MTR: variants seen among roughly 807,000 people sequenced by gnomAD.
MTR encodes the protein 5-methyltetrahydrofolate-homocysteine methyltransferase.
MTR carries 84 observed loss-of-function variants against 154.8 expected under a neutral mutation model. The ratio of observed to expected loss-of-function variants is 0.54; its 90% CI spans 0.45 to 0.65. MTR has a LOEUF of 0.65. Ranked by LOEUF, MTR falls within the 30% of genes least tolerant of loss-of-function variation. The probability of loss-of-function intolerance (pLI) is 0.00; values close to 1 mark genes in which losing one functional copy is unlikely to be tolerated. For synonymous variants in MTR, 554 were observed against 553.9 expected (o/e 1.00, Z 0.00); for missense variants, 1,275 against 1,570.2 (o/e 0.81, Z 3.18).
intron 20 of MTR, 43 bp from the exon 21 acceptor site, chr1:236,862,193 C>T (rs756734683): frequency 2.5e-5 from 38 of 1,535,104 alleles, no homozygotes; most frequent in South Asian, 7.8e-5. Context: ...GCAGTTGTTC[C>T]TGTGGTTTGG....
At chr1:236,818,359 G>T (rs533975959) in intron 8 of MTR, among the ~76,000 whole-genome samples, 1 of 152,272 alleles carries the variant, frequency 6.6e-6, no homozygotes, top group East Asian at 1.9e-4. Context: ...GTGTTGTCCT[G>T]GGTGTCACTG....
chr1:236,880,495 C>T (rs1665669937), intron 24 of MTR, among the ~76,000 whole-genome samples: 1 of 152,312 alleles, frequency 6.6e-6, no homozygotes, highest in Non-Finnish European at 1.5e-5. Flanking sequence ...CATGCACGGG[C>T]TCAGTCCCTT....
At chr1:236,879,116 T>G (rs1447747008) in intron 24 of MTR, among the ~76,000 whole-genome samples, 1 of 152,208 alleles carries the variant, frequency 6.6e-6, no homozygotes, top group Non-Finnish European at 1.5e-5. Context: ...CCTATAACAG[T>G]CTCTTGGTTT....
Position 236,866,605 on chromosome 1 carries a change from A to T in MTR, c.2405+3051A>T, listed in dbSNP as rs188218337. On this transcript the variant is annotated intron_variant, in intron 22 of 32. Coordinates refer to ENST00000366577, the MANE Select transcript of MTR (RefSeq NM_000254.3). ...TAAGTTTAGTGAGGAAGGCATGTCA[A>T]AAACTGAAATAGGCTGAAAACTAGG... is the stretch of plus-strand genomic sequence containing the variant. Among the ~76,000 whole-genome samples, 620 of 152,358 alleles carry T rather than the reference A, an allele frequency of 4.1e-3. 4 individuals are homozygous for T. Among genetic ancestry groups the T allele is most frequent in the African/African-American group, 0.014 (601 of 41,578 alleles).
chr1:236,839,179 G>A (rs1663086560), intron 15 of MTR, among the ~76,000 whole-genome samples: 1 of 152,192 alleles, frequency 6.6e-6, no homozygotes, highest in African/African-American at 2.4e-5. Context: ...TTCAATAAAT[G>A]CTGTTGGGAT....
At chr1:236,831,839 TCTC>T in intron 12 of MTR, 124 bp from the exon 13 acceptor site, 1 of 715,564 alleles carries the variant, frequency 1.4e-6, no homozygotes, top group South Asian at 1.5e-5. Flanking sequence ...CCACATTGGA[TCTC>T]CTATCTGCTC....
intron 1 of MTR, among the ~76,000 whole-genome samples, chr1:236,799,832 TAAG>T (rs1213663768): frequency 2.0e-5 from 3 of 152,174 alleles, no homozygotes; most frequent in Non-Finnish European, 4.4e-5. Context: ...TTTTGAGTCT[TAAG>T]AAGTTCCTTT....
Position 236,852,960 on chromosome 1 carries a change from A to G in MTR, c.1825A>G (p.Met609Val). 1 of 1,614,038 alleles carries G rather than the reference A, an allele frequency of 6.2e-7. No individual in the cohort carries two copies. Among genetic ancestry groups the G allele is most frequent in the Non-Finnish European group, 8.5e-7 (1 of 1,179,932 alleles). The change falls in exon 18 of 33, where the codon ATG becomes GTG. Residue 609 changes from methionine to valine, a missense_variant. Transcript: ENST00000366577. ...GTATTGCCCTTAGTCTGGCATGGAC[A>G]TGGGGATAGTGAATGCTGGAAACCT... ...LYHAIKSGMD[M>V]GIVNAGNLPV...
rs758784869 is a variant in MTR, at chr1:236,852,568, C to T, written c.1743C>T (p.Ser581=). ...ARISGGLSNL[S]FSFRGMEAIR... The stretch of plus-strand genomic sequence containing the variant: ...TAAGTGGAGGTCTTTCCAACTTGTC[C>T]TTCTCCTTCCGAGGAATGGAAGCCA... The change falls in exon 17 of 33, where the codon TCC becomes TCT. Residue 581 remains serine (S), a synonymous_variant. Transcript: ENST00000366577. 9.3e-6 allele frequency: 15 copies of T among 1,613,896 alleles called. No individual in the cohort carries two copies. The highest frequency in any genetic ancestry group is 8.3e-5 in the Admixed American group (5 of 59,978).
At chr1:236,890,745 C>T (rs754896285) in intron 28 of MTR, among the ~76,000 whole-genome samples, 4 of 152,122 alleles carry the variant, frequency 2.6e-5, no homozygotes, top group African/African-American at 4.8e-5. Flanking sequence ...AGGCACAGGT[C>T]GCGTCTCCCA....
chr1:236,863,636 G>A (rs1008656026), intron 22 of MTR, 82 bp downstream of exon 22: 9 of 1,191,402 alleles, frequency 7.6e-6, no homozygotes, highest in Non-Finnish European at 1.1e-5. Flanking sequence ...TCAATGGGTG[G>A]GAAGAGTAGG....
At chr1:236,854,534 T>C (rs1231054174) in intron 18 of MTR, among the ~76,000 whole-genome samples, 1 of 152,236 alleles carries the variant, frequency 6.6e-6, no homozygotes, top group Non-Finnish European at 1.5e-5. Flanking sequence ...GTCTATCTTC[T>C]ACCTAGTAGG....
chr1:236,808,670 A>G lies in MTR; in HGVS notation c.340-34A>G, dbSNP rs754780006. 1.6e-5 allele frequency: 25 copies of G among 1,603,470 alleles called. 1 individual carries two copies. In the South Asian group the frequency reaches 2.6e-4, roughly 17 times the overall value. ...CATTATTTATTGTGCGGAGGAAAAG[A>G]AGGACAAGCTAACGTTTGTGGTTGA... is the stretch of plus-strand genomic sequence containing the variant. On this transcript the variant is annotated intron_variant, in intron 3 of 32. Transcript: ENST00000366577.
chr1:236,891,369 T>A (rs749931413), intron 29 of MTR, 40 bp downstream of exon 29: 1 of 1,589,814 alleles, frequency 6.3e-7, no homozygotes, highest in South Asian at 1.1e-5. Context: ...CCGCTTTCGC[T>A]TGTGAGTTTA....
chr1:236,894,099 C>A (rs1007135661), intron 29 of MTR, among the ~76,000 whole-genome samples: 4 of 151,984 alleles, frequency 2.6e-5, no homozygotes, highest in Non-Finnish European at 2.9e-5. Context: ...GGTGTCTTGA[C>A]AATTTATGTT....
chr1:236,858,258 G>A (rs1664315767), intron 18 of MTR, among the ~76,000 whole-genome samples: 1 of 152,186 alleles, frequency 6.6e-6, no homozygotes, highest in African/African-American at 2.4e-5. Flanking sequence ...CGTCTTACAT[G>A]ACAGCAGATA....
At chr1:236,865,944 A>G (rs774947914) in intron 22 of MTR, among the ~76,000 whole-genome samples, 2 of 152,188 alleles carry the variant, frequency 1.3e-5, no homozygotes, top group Admixed American at 6.5e-5. Flanking sequence ...GAGAGATTTC[A>G]TCATAGTCAC....
rs1240090028 is a variant in MTR at position 236,795,331 on chromosome 1, G to A, written c.-373G>A. The A allele has an allele frequency of 7.8e-7, 1 of 1,290,166 alleles. No individual in the cohort carries two copies. The highest frequency in any genetic ancestry group is 1.0e-6 in the Non-Finnish European group (1 of 993,998). 79.9% of individuals were successfully genotyped at this position (1,290,166 alleles called of 1,614,324 possible). On this transcript the variant is annotated 5_prime_UTR_variant, in exon 1 of 33. Coordinates refer to ENST00000366577, the MANE Select transcript of MTR (RefSeq NM_000254.3). ...TCTGAAAGGTTCTAAATGTCTGCGG[G>A]GCTCAGAGCCGGATGTCACGTCGTC...
rs1666306744 is a variant in MTR at position 236,891,318 on chromosome 1, T to G, written c.3193T>G (p.Leu1065Val). 6.2e-7 allele frequency: 1 copy of G among 1,613,992 alleles called. No homozygotes were observed. Among genetic ancestry groups the G allele is most frequent in the Non-Finnish European group, 8.5e-7 (1 of 1,179,936 alleles). The change falls in exon 29 of 33, where the codon TTA (leucine) becomes GTA (valine). Residue 1065 changes from leucine to valine, a missense_variant. Physicochemically the swap from Leu to Val is conservative, Grantham distance 32. Coordinates refer to ENST00000366577, the MANE Select transcript of MTR (RefSeq NM_000254.3). ...AAEPIATFYG[L>V]RQQAEKDSAS... ...AGAGCCCATAGCCACCTTCTATGGG[T>G]TAAGGCAACAGGTATGGAAGGTGTA...
Sources: allele counts gnomAD v4.1 joint callset (sites outside exome capture counted in the v4.1 genomes callset), GRCh38; gene constraint gnomAD v4.1.1; transcripts MANE v1.5; gene names NCBI Gene and HGNC (gene_info 2026-07-23, HGNC 2026-07-21).